The following VTCN1 variants were observed in gnomAD, a reference collection of about 807,000 sequenced individuals.
The protein encoded by VTCN1 is V-set domain-containing T-cell activation inhibitor 1.
VTCN1 carries 26 observed loss-of-function variants against 26.5 expected under a neutral mutation model. The observed-to-expected ratio is 0.98, with a 90% CI of 0.72 to 1.36. The LOEUF (loss-of-function observed/expected upper bound fraction) is 1.36. Among genes scored for constraint, VTCN1 ranks in the 40% most tolerant of loss-of-function variants. The pLI is 0.00. For synonymous variants in VTCN1, 116 were observed against 130.7 expected (o/e 0.89, Z 0.77); for missense variants, 298 against 337.7 (o/e 0.88, Z 0.92).
Position 117,175,856 on chromosome 1 carries a change from C to T in VTCN1, c.33-5685G>A, listed in dbSNP as rs1267628017. On this transcript the variant is annotated intron_variant, in intron 1 of 5. Coordinates refer to ENST00000369458, the MANE Select transcript of VTCN1 (RefSeq NM_024626.4). This position sits in a 1 kb window ranked among gnomAD's most constrained non-coding sequence, Gnocchi z 4.2. ...CATGATCTCAGTTCACTGCAACCTC[C>T]GCCTCCCAGGTTCAAGCGATTCTCC... is the stretch of plus-strand genomic sequence containing the variant. Among the ~76,000 whole-genome samples the T allele has an allele frequency of 1.3e-5, 2 of 151,574 alleles. No homozygotes were observed. Among genetic ancestry groups the T allele is most frequent in the African/African-American group, 2.4e-5 (1 of 41,138 alleles).
chr1:117,205,745 G>A (rs1464921385), intron 1 of VTCN1, among the ~76,000 whole-genome samples: 4 of 152,214 alleles, frequency 2.6e-5, no homozygotes, highest in Non-Finnish European at 2.9e-5. Context: ...GTAGTAACAT[G>A]TTGGTTCCTG....
intron 1 of VTCN1, among the ~76,000 whole-genome samples, chr1:117,177,437 G>A (rs373645831): frequency 4.5e-4 from 69 of 152,262 alleles, no homozygotes; most frequent in African/African-American, 1.6e-3. Context: ...GAGAGCAGAA[G>A]CATCAGGAAT....
At chr1:117,172,135 C>A (rs1652952617) in intron 1 of VTCN1, among the ~76,000 whole-genome samples, 1 of 152,106 alleles carries the variant, frequency 6.6e-6, no homozygotes, top group African/African-American at 2.4e-5. Context: ...ACTCAATAGG[C>A]AGGACAAAAG....
intron 1 of VTCN1, among the ~76,000 whole-genome samples, chr1:117,179,135 T>G (rs114905035): frequency 0.021 from 3,233 of 152,308 alleles, 137 homozygotes; most frequent in African/African-American, 0.073. Flanking sequence ...TTTCTCAAAC[T>G]CCGTACTACG....
chr1:117,206,196 T>G (rs980802277), intron 1 of VTCN1, among the ~76,000 whole-genome samples: 9 of 152,032 alleles, frequency 5.9e-5, no homozygotes, highest in African/African-American at 2.2e-4. Context: ...CTATGAGTAT[T>G]CTCCAGAGTT....
At chr1:117,187,947 T>G (rs952486994) in intron 1 of VTCN1, among the ~76,000 whole-genome samples, 4 of 152,228 alleles carry the variant, frequency 2.6e-5, no homozygotes, top group Non-Finnish European at 5.9e-5. Context: ...TCACTCACTT[T>G]GACAATTATT....
chr1:117,188,925 T>C (rs1648100131), intron 1 of VTCN1, among the ~76,000 whole-genome samples: 1 of 152,192 alleles, frequency 6.6e-6, no homozygotes, highest in Admixed American at 6.5e-5. Flanking sequence ...TTATTATATA[T>C]AAGTAAAAAA....
chr1:117,164,690 C>T (rs941507197), intron 2 of VTCN1, among the ~76,000 whole-genome samples: 4 of 152,122 alleles, frequency 2.6e-5, no homozygotes, highest in Admixed American at 1.3e-4. Context: ...TTAGTGTGAG[C>T]GCTGAGATTG....
Position 117,183,758 on chromosome 1 carries a change from T to G in VTCN1, c.33-13587A>C, listed in dbSNP as rs1426622847. Among the ~76,000 whole-genome samples the G allele has an allele frequency of 6.6e-6, 1 of 152,148 alleles. No individual in the cohort carries two copies. Among genetic ancestry groups the G allele is most frequent in the African/African-American group, 2.4e-5 (1 of 41,412 alleles). On this transcript the variant is annotated intron_variant, in intron 1 of 5. Transcript: ENST00000369458. This position sits in a 1 kb window ranked among gnomAD's most constrained non-coding sequence, Gnocchi z 4.1. The stretch of plus-strand genomic sequence containing the variant: ...TACTAAATAGCCTTTAAAAAAATCC[T>G]TGATAAAAATACTTGAAATGCTGAA...
rs145726264 is a variant in VTCN1, at chr1:117,189,574, CTCA to C, written c.33-19406_33-19404del. Among the ~76,000 whole-genome samples the C allele has an allele frequency of 7.9e-3, 1,198 of 152,286 alleles. 16 individuals are homozygous for C. Among genetic ancestry groups the C allele is most frequent in the African/African-American group, 0.027 (1,138 of 41,534 alleles). The stretch of plus-strand genomic sequence containing the variant: ...GGACTTTCTTCACCCCAAAATAACT[CTCA>C]TCTTTAGCTTGATAATAAAATGAAA... On this transcript the variant is annotated intron_variant, in intron 1 of 5. Coordinates refer to ENST00000369458, the MANE Select transcript of VTCN1 (RefSeq NM_024626.4).
chr1:117,179,022 T>C (rs1285741325), intron 1 of VTCN1, among the ~76,000 whole-genome samples: 2 of 152,200 alleles, frequency 1.3e-5, no homozygotes, highest in East Asian at 1.9e-4. Context: ...TTAATAGCAA[T>C]GTAGTGGCGG....
intron 1 of VTCN1, chr1:117,203,698 T>G (rs1648905068): frequency 1.0e-6 from 1 of 985,280 alleles, no homozygotes; most frequent in African/African-American, 1.7e-5. Context: ...AAGAAGAATG[T>G]GGAATGATAA....
intron 1 of VTCN1, among the ~76,000 whole-genome samples, chr1:117,187,537 C>T (rs1648009687): frequency 6.6e-6 from 1 of 152,086 alleles, no homozygotes; most frequent in Admixed American, 6.6e-5. Context: ...GATAATTTTT[C>T]AGGGAAACTA....
intron 1 of VTCN1, among the ~76,000 whole-genome samples, chr1:117,188,084 C>T (rs6694300): frequency 0.15 from 22,699 of 152,152 alleles, 1,876 homozygotes; most frequent in African/African-American, 0.21. Context: ...CCTCCTCCCC[C>T]TCTCTAACAC....
chr1:117,152,787 G>A (rs900908177), intron 4 of VTCN1, among the ~76,000 whole-genome samples: 3 of 152,126 alleles, frequency 2.0e-5, no homozygotes, highest in African/African-American at 7.2e-5. Context: ...CTGTAGCAAG[G>A]TAGTCCTACT....
In VTCN1 at chr1:117,205,078, CATGTATATGTATGTATGTATATGT is replaced by C. The variant is rs756660388; in HGVS notation, c.32+5722_32+5745del. On this transcript the variant is annotated intron_variant, in intron 1 of 5. Coordinates refer to ENST00000369458, the MANE Select transcript of VTCN1 (RefSeq NM_024626.4). ...ATATATATGTATATATGTATATGTA[CATGTATATGTATGTATGTATATGT>C]ATGTATATGTATATGTATATATACA... is the stretch of plus-strand genomic sequence containing the variant. Among the ~76,000 whole-genome samples the C allele has an allele frequency of 9.1e-3, 1,322 of 144,486 alleles. 11 individuals are homozygous for C. Among genetic ancestry groups the C allele is most frequent in the Non-Finnish European group, 0.014 (963 of 66,942 alleles). The allele number at this position is 144,486 out of a possible 152,430, so 94.8% of individuals were successfully genotyped here.
chr1:117,191,087 C>A (rs1356331938), intron 1 of VTCN1, among the ~76,000 whole-genome samples: 4 of 151,950 alleles, frequency 2.6e-5, no homozygotes, highest in Non-Finnish European at 5.9e-5. Context: ...TAAAGAAGAA[C>A]TAAACAGAAA....
At chr1:117,166,596 A>G (rs531792770) in intron 2 of VTCN1, among the ~76,000 whole-genome samples, 1 of 151,474 alleles carries the variant, frequency 6.6e-6, no homozygotes, top group Admixed American at 6.6e-5. Flanking sequence ...CCTACTAAAA[A>G]TACAAAAAAA....
intron 1 of VTCN1, among the ~76,000 whole-genome samples, chr1:117,205,295 C>T (rs1368884315): frequency 3.9e-5 from 6 of 151,940 alleles, no homozygotes; most frequent in African/African-American, 9.7e-5. Context: ...GCTGGGACTA[C>T]AGGCATGTAC....
Sources: allele counts gnomAD v4.1 joint callset (sites outside exome capture counted in the v4.1 genomes callset), GRCh38; gene constraint gnomAD v4.1.1; non-coding constraint Gnocchi (gnomAD v3.1); transcripts MANE v1.5; gene names NCBI Gene and HGNC (gene_info 2026-07-23, HGNC 2026-07-21).